The following SAMD3 variants were observed in gnomAD, a reference collection of about 807,000 sequenced individuals.
SAMD3 encodes the protein sterile alpha motif domain containing 3, also known as sterile alpha motif domain-containing protein 3.
In SAMD3, 63 loss-of-function variants were observed where a neutral mutation model predicts 58.5. The observed-to-expected ratio is 1.08, with a 90% CI of 0.88 to 1.33. SAMD3 has a LOEUF of 1.33. Ranked by LOEUF, SAMD3 falls within the 40% of genes most tolerant of loss-of-function variation. The pLI is 0.00. For missense variants in SAMD3, 604 were observed against 608.4 expected (o/e 0.99, Z 0.08); for synonymous variants, 220 against 210.3 (o/e 1.05, Z -0.40).
intron 1 of SAMD3, among the ~76,000 whole-genome samples, chr6:130,341,308 C>G (rs1338308670): frequency 6.6e-6 from 1 of 152,200 alleles, no homozygotes; most frequent in Non-Finnish European, 1.5e-5. Flanking sequence ...AATGGTCAAA[C>G]TTTAATGACT....
chr6:130,234,032 A>G (rs1796616469), intron 2 of SAMD3, among the ~76,000 whole-genome samples: 1 of 152,206 alleles, frequency 6.6e-6, no homozygotes, highest in African/African-American at 2.4e-5. Context: ...TTTTGGTAGA[A>G]ATTGCCAAAC....
intron 2 of SAMD3, among the ~76,000 whole-genome samples, chr6:130,262,077 T>G (rs1774161251): frequency 1.3e-5 from 2 of 151,000 alleles, no homozygotes; most frequent in African/African-American, 4.9e-5. Flanking sequence ...AAAAAAATGG[T>G]GTACCCTATT....
chr6:130,205,155 A>G (rs1794974263), intron 5 of SAMD3, among the ~76,000 whole-genome samples: 1 of 8,290 alleles, frequency 1.2e-4, no homozygotes, highest in African/African-American at 7.9e-4. Context: ...TTGGCTCTGT[A>G]AAAAAAAAAA....
chr6:130,348,583 C>A (rs1777539429), intron 1 of SAMD3, among the ~76,000 whole-genome samples: 1 of 152,116 alleles, frequency 6.6e-6, no homozygotes, highest in Admixed American at 6.6e-5. Context: ...TAAAGCAAGT[C>A]CTTAGAGACC....
At chr6:130,259,639 G>A (rs1351935274) in intron 2 of SAMD3, among the ~76,000 whole-genome samples, 5 of 152,126 alleles carry the variant, frequency 3.3e-5, no homozygotes, top group South Asian at 4.1e-4. Context: ...CTCAGTACCC[G>A]ATTTAGAGGA....
chr6:130,344,390 T>C (rs888702762), intron 1 of SAMD3, among the ~76,000 whole-genome samples: 21 of 152,062 alleles, frequency 1.4e-4, no homozygotes, highest in African/African-American at 4.8e-4. Flanking sequence ...CCTGGCTTCT[T>C]TTTTTACGGG....
intron 2 of SAMD3, among the ~76,000 whole-genome samples, chr6:130,311,118 G>A (rs906436574): frequency 5.9e-5 from 9 of 152,074 alleles, no homozygotes; most frequent in South Asian, 4.1e-4. Flanking sequence ...ACCTCCTCCC[G>A]TAAATCATGC....
Position 130,178,303 on chromosome 6 carries a change from C to A in SAMD3, c.655-2295G>T, listed in dbSNP as rs751307705. On this transcript the variant is annotated intron_variant, in intron 7 of 11. Coordinates refer to ENST00000439090, the MANE Select transcript of SAMD3 (RefSeq NM_001017373.4). ...GGCCCAACCCTTCTTGAAGACAGTG[C>A]CTTAGGGCTGCTTCTGCTGCTCTTC... Among the ~76,000 whole-genome samples, 94 of 151,282 alleles carry A rather than the reference C, an allele frequency of 6.2e-4. 2 individuals carry two copies. The highest frequency in any genetic ancestry group is 1.5e-4 in the Non-Finnish European group (10 of 67,826).
intron 1 of SAMD3, among the ~76,000 whole-genome samples, chr6:130,319,987 T>A (rs947950215): frequency 6.0e-5 from 9 of 150,526 alleles, no homozygotes; most frequent in Admixed American, 1.3e-4. Context: ...GAGAAAAAAA[T>A]AAACACACAC....
rs1286109134 is a variant in SAMD3 at position 130,144,787 on chromosome 6, A to AGGT, written c.1293_1295dup (p.Pro432dup). 2 of 1,612,344 alleles carry AGGT rather than the reference A, an allele frequency of 1.2e-6. No homozygotes were observed. The highest frequency in any genetic ancestry group is 1.7e-6 in the Non-Finnish European group (2 of 1,179,348). ...TGAAAGGGTTTTTAACTTCCAACAC[A>AGGT]GGTGTGGACACTTGCACCTGAAAAA... is the stretch of plus-strand genomic sequence containing the variant. On this transcript the variant is annotated inframe_insertion, in exon 12 of 12. Transcript: ENST00000439090.
In SAMD3 at chr6:130,344,692, C is replaced by T. The variant is rs546649408; in HGVS notation, c.-304+20428G>A. The stretch of plus-strand genomic sequence containing the variant: ...GCGTGAGCCATGGAGCCCAGCCATT[C>T]CCTGGCTTGTAACAGGGAATCCTTT... On this transcript the variant is annotated intron_variant, in intron 1 of 13. Coordinates refer to the SAMD3 transcript ENST00000368134. Among the ~76,000 whole-genome samples the T allele has an allele frequency of 5.2e-4, 79 of 151,814 alleles. No individual in the cohort carries two copies. In the Middle Eastern group the frequency reaches 0.014, roughly 26 times the overall value.
chr6:130,294,707 G>C (rs770669683), intron 2 of SAMD3, among the ~76,000 whole-genome samples: 3 of 148,672 alleles, frequency 2.0e-5, no homozygotes, highest in Non-Finnish European at 4.5e-5. Flanking sequence ...GTAAAAATTT[G>C]TACATGATTG....
At chr6:130,348,427 C>G (rs905604884) in intron 1 of SAMD3, among the ~76,000 whole-genome samples, 1 of 152,076 alleles carries the variant, frequency 6.6e-6, no homozygotes, top group Non-Finnish European at 1.5e-5. Flanking sequence ...GGGTTGCAAT[C>G]CTAGTCTCGG....
intron 2 of SAMD3, among the ~76,000 whole-genome samples, chr6:130,311,090 C>T (rs1258901174): frequency 6.6e-6 from 1 of 152,160 alleles, no homozygotes. Context: ...AAGAACCACA[C>T]ATACCGTGCA....
In SAMD3 at chr6:130,296,676, T is replaced by G. The variant is rs1425839909; in HGVS notation, c.-188+16302A>C. On this transcript the variant is annotated intron_variant, in intron 2 of 13. Transcript: ENST00000368134. ...CCCAACTCCCCATCCCTAGTCCCTA[T>G]ACAGAGCAGTAGCATCTAGCAATGG... Among the ~76,000 whole-genome samples the G allele has an allele frequency of 2.6e-5, 4 of 152,116 alleles. No homozygotes were observed. In the East Asian group the frequency reaches 7.7e-4, roughly 29 times the overall value.
At chr6:130,199,024 T>G (rs1794402777) in intron 5 of SAMD3, among the ~76,000 whole-genome samples, 1 of 152,182 alleles carries the variant, frequency 6.6e-6, no homozygotes, top group Admixed American at 6.5e-5. Flanking sequence ...TTTGAGGAAC[T>G]GTGATATTTT....
At chr6:130,187,312 T>C (rs1253857122) in intron 5 of SAMD3, among the ~76,000 whole-genome samples, 1 of 151,194 alleles carries the variant, frequency 6.6e-6, no homozygotes, top group African/African-American at 2.4e-5. Context: ...TTTCCCTCCT[T>C]TTTTTTTTCA....
intron 1 of SAMD3, among the ~76,000 whole-genome samples, chr6:130,349,597 A>C (rs1583142049): frequency 6.6e-6 from 1 of 152,174 alleles, no homozygotes; most frequent in Non-Finnish European, 1.5e-5. Context: ...CAACCAAAAA[A>C]AGTCCAGGAC....
At chr6:130,358,411 A>C (rs1427127718) in intron 1 of SAMD3, among the ~76,000 whole-genome samples, 1 of 152,184 alleles carries the variant, frequency 6.6e-6, no homozygotes, top group Non-Finnish European at 1.5e-5. Flanking sequence ...GGTGAAATCC[A>C]GTTTTTAAAT....
Sources: gnomAD v4.1 joint callset for allele counts (sites outside exome capture counted in the v4.1 genomes callset) on GRCh38, gnomAD v4.1.1 for gene constraint, MANE v1.5 for transcripts, NCBI Gene and HGNC (gene_info 2026-07-23, HGNC 2026-07-21) for gene names.